Variants in SMOC2 observed in about 807,000 individuals in gnomAD.
SMOC2 encodes the protein SPARC related modular calcium binding 2.
In SMOC2, 39 loss-of-function variants were observed where a neutral mutation model predicts 61.4. That is an observed-to-expected ratio of 0.64 (90% CI 0.49 to 0.83). The LOEUF (loss-of-function observed/expected upper bound fraction) is 0.83. Among genes scored for constraint, SMOC2 ranks in the 40% least tolerant of loss-of-function variants. The pLI, the probability that SMOC2 is intolerant of heterozygous loss-of-function variation, is 0.00. For synonymous variants in SMOC2, 247 were observed against 239.9 expected (o/e 1.03, Z -0.27); for missense variants, 556 against 592.9 (o/e 0.94, Z 0.65).
chr6:168,451,312 G>GAGCT (rs1366312497), intron 1 of SMOC2, among the ~76,000 whole-genome samples: 1 of 152,206 alleles, frequency 6.6e-6, no homozygotes, highest in African/African-American at 2.4e-5. Flanking sequence ...GAAGAACGTT[G>GAGCT]TCCCATGAGC....
chr6:168,596,281 G>A (rs1785332979), intron 7 of SMOC2, among the ~76,000 whole-genome samples: 1 of 135,648 alleles, frequency 7.4e-6, no homozygotes, highest in South Asian at 2.5e-4. Flanking sequence ...CAGGTGCCAT[G>A]TGAACACGGC....
chr6:168,519,220 A>T lies in SMOC2; in HGVS notation c.257-7126A>T, dbSNP rs369797868. On this transcript the variant is annotated intron_variant, in intron 2 of 12. Transcript: ENST00000356284. Reference sequence around the variant, plus strand: ...GTGTGTGTATGCATGCGTGTGTGAGAGAGTGTGTATACGTGCATGTTTGTG... The same window carrying T: ...GTGTGTGTATGCATGCGTGTGTGAGTGAGTGTGTATACGTGCATGTTTGTG... 8.3e-4 allele frequency among the ~76,000 whole-genome samples: 112 copies of T among 134,636 alleles called. 1 individual carries two copies. In the Middle Eastern group the frequency reaches 0.015, roughly 18 times the overall value. The allele number at this position is 134,636 out of a possible 152,430, so 88.3% of individuals were successfully genotyped here. A position where few individuals can be genotyped will look rare whatever the true frequency, so the allele number is the denominator to read the frequency against.
At chr6:168,551,557 G>A (rs1051939868) in intron 7 of SMOC2, among the ~76,000 whole-genome samples, 16 of 151,896 alleles carry the variant, frequency 1.1e-4, no homozygotes, top group African/African-American at 3.4e-4. Context: ...AGGTTCAAGC[G>A]ATTCTCCTGC....
At chr6:168,518,901 G>A (rs868540732) in intron 2 of SMOC2, among the ~76,000 whole-genome samples, 7 of 150,482 alleles carry the variant, frequency 4.7e-5, no homozygotes, top group South Asian at 2.1e-4. Flanking sequence ...GTGTGTGTGC[G>A]TGCATGTGTG....
intron 8 of SMOC2, among the ~76,000 whole-genome samples, chr6:168,603,597 C>T (rs1785611759): frequency 1.3e-5 from 2 of 152,060 alleles, no homozygotes; most frequent in South Asian, 4.2e-4. Flanking sequence ...AAAACAGGTA[C>T]AGTCCATGCT....
At chr6:168,538,128 C>T (rs139913909) in intron 4 of SMOC2, among the ~76,000 whole-genome samples, 6 of 140,872 alleles carry the variant, frequency 4.3e-5, no homozygotes, top group African/African-American at 1.4e-4. Context: ...GTAGGGTGAC[C>T]GCTGCTGGAA....
In SMOC2 at chr6:168,554,084, G is replaced by A. The variant is rs747765410; in HGVS notation, c.637+4881G>A. 2.0e-5 allele frequency among the ~76,000 whole-genome samples: 3 copies of A among 151,794 alleles called. No individual in the cohort carries two copies. In the South Asian group the frequency reaches 6.2e-4, roughly 32 times the overall value. The stretch of plus-strand genomic sequence containing the variant: ...ATCAGCTTTTTTCACATTTTGGTAG[G>A]AGGATTATTCCATGGGACGAGTCGG... On this transcript the variant is annotated intron_variant, in intron 7 of 12. Transcript: ENST00000356284.
intron 8 of SMOC2, among the ~76,000 whole-genome samples, chr6:168,601,567 G>A (rs758747094): frequency 6.6e-6 from 1 of 152,208 alleles, no homozygotes. Flanking sequence ...GTTCTTGGAA[G>A]CAATGTTTCT....
At chr6:168,612,655 T>C (rs531666551) in intron 9 of SMOC2, among the ~76,000 whole-genome samples, 2 of 152,286 alleles carry the variant, frequency 1.3e-5, no homozygotes, top group Non-Finnish European at 2.9e-5. Flanking sequence ...CCCCTTCTGC[T>C]GAGTGAGAGG....
chr6:168,529,399 G>A lies in SMOC2; in HGVS notation c.463+1672G>A, dbSNP rs144172521. Among the ~76,000 whole-genome samples, 266 of 152,304 alleles carry A rather than the reference G, an allele frequency of 1.7e-3. 2 individuals carry two copies. Among genetic ancestry groups the A allele is most frequent in the African/African-American group, 6.2e-3 (256 of 41,570 alleles). ...TTGAGAAGACGGTGCTGTCTGTGAG[G>A]GGGGGCAGTGTTTCCACGTCGGGGC... On this transcript the variant is annotated intron_variant, in intron 4 of 12. Transcript: ENST00000356284.
chr6:168,615,358 C>T (rs1190382988), intron 9 of SMOC2, among the ~76,000 whole-genome samples: 3 of 68,210 alleles, frequency 4.4e-5, no homozygotes, highest in Non-Finnish European at 8.9e-5. Flanking sequence ...TTCACACCTA[C>T]AGCCAGCACA....
At chr6:168,549,369 C>G (rs1784080200) in intron 7 of SMOC2, among the ~76,000 whole-genome samples, 166 bp downstream of exon 7, 2 of 151,808 alleles carry the variant, frequency 1.3e-5, no homozygotes, top group Admixed American at 1.3e-4. Flanking sequence ...TCAACTCCCC[C>G]CAAAATAATA....
intron 9 of SMOC2, among the ~76,000 whole-genome samples, chr6:168,641,243 C>T (rs564463743): frequency 1.3e-5 from 2 of 152,106 alleles, no homozygotes; most frequent in East Asian, 3.9e-4. Context: ...CGCTCCTCCC[C>T]GGATGGCAGA....
intron 10 of SMOC2, among the ~76,000 whole-genome samples, chr6:168,651,626 G>A (rs4273663): frequency 0.94 from 143,739 of 152,252 alleles, 68,111 homozygotes; most frequent in African/African-American, 0.99. Context: ...GCCACTTTAG[G>A]TGATTTTTTT....
In SMOC2 at chr6:168,547,146, C is replaced by G. The variant is rs1784022733; in HGVS notation, c.539C>G (p.Thr180Ser). ...GATGCCGCAGCTCCAGCGTTGGAGA[C>G]TCAGCCTCAAGGAGATGAAGAAGGT... ...TDDAAAPALETQPQGDEEDIA... is the reference protein window; with the variant it reads ...TDDAAAPALESQPQGDEEDIA... The change falls in exon 6 of 13, where the codon ACT becomes AGT. Residue 180 changes from threonine to serine, a missense_variant. Transcript: ENST00000356284. The G allele has an allele frequency of 6.2e-7, 1 of 1,613,924 alleles. No homozygotes were observed. The highest frequency in any genetic ancestry group is 8.5e-7 in the Non-Finnish European group (1 of 1,180,048).
In SMOC2 at chr6:168,479,363, C is replaced by T. The variant is rs1328226754; in HGVS notation, c.85-30552C>T. Among the ~76,000 whole-genome samples the T allele has an allele frequency of 4.6e-5, 7 of 152,280 alleles. No individual in the cohort carries two copies. In the East Asian group the frequency reaches 9.6e-4, roughly 21 times the overall value. On this transcript the variant is annotated intron_variant, in intron 1 of 12. Coordinates refer to ENST00000356284, the MANE Select transcript of SMOC2 (RefSeq NM_001166412.2). ...TGTATAAGCCATATTTATAAGGCAT[C>T]GCTATTTTCCAGCATAAAGGGAATT...
chr6:168,609,960 C>T (rs114049441), intron 9 of SMOC2, among the ~76,000 whole-genome samples: 2,766 of 152,306 alleles, frequency 0.018, 84 homozygotes, highest in African/African-American at 0.063. Flanking sequence ...CTGGCTTCTG[C>T]TGCCTCTCAG....
intron 1 of SMOC2, among the ~76,000 whole-genome samples, chr6:168,443,169 A>G (rs1200523397): frequency 1.3e-5 from 2 of 152,224 alleles, no homozygotes; most frequent in Non-Finnish European, 2.9e-5. Context: ...TGAAAGCGCA[A>G]AAAGTAGAGA....
chr6:168,503,231 C>T (rs1782779326), intron 1 of SMOC2, among the ~76,000 whole-genome samples: 1 of 151,838 alleles, frequency 6.6e-6, no homozygotes, highest in South Asian at 2.1e-4. Context: ...GCACCCACCA[C>T]CATGCCCAGC....
Sources: gnomAD v4.1 joint callset for allele counts (sites outside exome capture counted in the v4.1 genomes callset) on GRCh38, gnomAD v4.1.1 for gene constraint, MANE v1.5 for transcripts, NCBI Gene and HGNC (gene_info 2026-07-23, HGNC 2026-07-21) for gene names.